Variants in NIBAN2 observed in about 807,000 individuals in gnomAD.
The protein encoded by NIBAN2 is protein Niban 2.
Under a neutral mutation model 81.8 loss-of-function variants are expected in NIBAN2, and 36 were observed. That is an observed-to-expected ratio of 0.44 (90% confidence interval 0.34 to 0.58). The LOEUF is 0.58. NIBAN2 is among the 20% of genes least tolerant of loss of function. The pLI is 0.02. For missense variants in NIBAN2, 897 were observed against 1,014.1 expected, an observed-to-expected ratio of 0.88 and a Z score of 1.57; for synonymous variants, 445 against 441.6, an observed-to-expected ratio of 1.01 and a Z score of -0.10.
At chr9:127,571,764 C>T (rs1837948571), upstream of NIBAN2, among the ~76,000 whole-genome samples, 1 of 151,828 alleles carries the variant, frequency 6.6e-6, no homozygotes, top group African/African-American at 2.4e-5. Flanking sequence ...GCTATGCACA[C>T]ATGTGAATAG....
At chr9:127,520,000 G>T (rs143231143) in intron 5 of NIBAN2, among the ~76,000 whole-genome samples, 1 of 152,222 alleles carries the variant, frequency 6.6e-6, no homozygotes, top group African/African-American at 2.4e-5. Flanking sequence ...GAGAAGGTGA[G>T]GCAGAGGGCC....
At chr9:127,538,812 G>A (rs1363063717) in intron 1 of NIBAN2, among the ~76,000 whole-genome samples, 2 of 151,708 alleles carry the variant, frequency 1.3e-5, no homozygotes, top group Non-Finnish European at 2.9e-5. Context: ...AGGCATGGTG[G>A]TGGGCGCCTG....
At chr9:127,513,263 T>C (rs1034632985) in intron 8 of NIBAN2, among the ~76,000 whole-genome samples, 9 of 151,866 alleles carry the variant, frequency 5.9e-5, no homozygotes, top group South Asian at 2.1e-4. Flanking sequence ...CCCATGGAGA[T>C]AGAGTAGAAA....
intron 1 of NIBAN2, among the ~76,000 whole-genome samples, chr9:127,552,259 A>C (rs1837589856): frequency 6.6e-6 from 1 of 152,158 alleles, no homozygotes; most frequent in African/African-American, 2.4e-5. Context: ...TAAGCTTTCC[A>C]ACACAGCACT....
intron 1 of NIBAN2, among the ~76,000 whole-genome samples, chr9:127,540,461 T>G (rs1837357370): frequency 6.6e-6 from 1 of 152,218 alleles, no homozygotes; most frequent in Admixed American, 6.5e-5. Flanking sequence ...TGCCTTGTCA[T>G]GACGCTCCCC....
At position 127,507,203 on chromosome 9, in the gene NIBAN2, T is replaced by C. The variant is rs1423162727; in HGVS notation, c.1883A>G (p.Asp628Gly). Residue 628 changes from aspartate to glycine, a missense_variant, in exon 14 of 14, where the codon GAT (aspartate) becomes GGT (glycine). Physicochemically the swap from Asp to Gly is moderately conservative, Grantham distance 94. Around this residue, in one of 3 missense-constraint regions of NIBAN2, gnomAD observed 619 missense variants for 691.0 expected, o/e 0.90. Transcript: ENST00000373312. The surrounding 1 kb of genome is among the most constrained non-coding windows in gnomAD (Gnocchi z 6.8). The stretch of plus-strand genomic sequence containing the variant: ...CTCAAAGGGCAGCCCCACCTCCTCA[T>C]CCTGGACCACAGAGACCACCTGCTT... ...RAKQVVSVVQ[D>G]EEVGLPFEAS... 1 of 1,613,052 alleles carries C rather than the reference T, an allele frequency of 6.2e-7. No individual in the cohort carries two copies. Among genetic ancestry groups the C allele is most frequent in the Non-Finnish European group, 8.5e-7 (1 of 1,179,810 alleles).
chr9:127,524,954 C>T, intron 4 of NIBAN2, 104 bp downstream of exon 4: 2 of 834,286 alleles, frequency 2.4e-6, no homozygotes, highest in South Asian at 1.6e-5. Context: ...GTTGGTCTCT[C>T]CGCAAACATG....
intron 5 of NIBAN2, among the ~76,000 whole-genome samples, chr9:127,521,329 T>C (rs1453952859): frequency 6.6e-6 from 1 of 152,102 alleles, no homozygotes; most frequent in Non-Finnish European, 1.5e-5. Flanking sequence ...CCTGGAGACC[T>C]TCCAAGAAAG....
Position 127,517,768 on chromosome 9 carries a change from C to A in NIBAN2, c.705+58G>T. ...ATCTCTGTACCCCACCCCCTGCCCT[C>A]CCCTGCTGGGTCCTTGGGTGACTTC... On this transcript the variant is annotated intron_variant, in intron 6 of 13. Transcript: ENST00000373312. This position sits in a 1 kb window ranked among gnomAD's most constrained non-coding sequence, Gnocchi z 4.0. 5 of 1,316,724 alleles carry A rather than the reference C, an allele frequency of 3.8e-6. No individual in the cohort carries two copies. Among genetic ancestry groups the A allele is most frequent in the African/African-American group, 1.4e-5 (1 of 68,982 alleles). 81.6% of individuals were successfully genotyped at this position (1,316,724 alleles called of 1,614,324 possible).
At position 127,507,937 on chromosome 9, in the gene NIBAN2, G is replaced by T; in HGVS notation, c.1584C>A (p.Ala528=). Residue 528 remains alanine, a synonymous_variant, in exon 13 of 14, where the codon GCC becomes GCA. Coordinates refer to ENST00000373312, the MANE Select transcript of NIBAN2 (RefSeq NM_022833.4). The surrounding 1 kb of genome is among the most constrained non-coding windows in gnomAD (Gnocchi z 6.8). ...ACGTGTTTTCCACCAGGATGAACCT[G>T]GCAAAGTCCTCGAAGATCAGCTCCT... The part of the protein sequence containing the change: ...RFQELIFEDF[A]RFILVENTYE... 6.2e-7 allele frequency: 1 copy of T among 1,614,192 alleles called. No individual in the cohort carries two copies. The highest frequency in any genetic ancestry group is 8.5e-7 in the Non-Finnish European group (1 of 1,180,032).
At chr9:127,535,102 G>A (rs894094153) in intron 1 of NIBAN2, among the ~76,000 whole-genome samples, 1 of 152,208 alleles carries the variant, frequency 6.6e-6, no homozygotes, top group African/African-American at 2.4e-5. Context: ...GGCAGGCTTG[G>A]GCCTGCAGGT....
chr9:127,508,273 G>A lies in NIBAN2; in HGVS notation c.1435-73C>T, dbSNP rs1484707774. On this transcript the variant is annotated intron_variant, in intron 11 of 13. Transcript: ENST00000373312. This position sits in a 1 kb window ranked among gnomAD's most constrained non-coding sequence, Gnocchi z 6.4. ...TGGCCCTGAGGGTAGGACGAGGCCAGTGGTCTGACCCAAGCCTCCGAGTCC... is the reference window on the plus strand; with the variant it reads ...TGGCCCTGAGGGTAGGACGAGGCCAATGGTCTGACCCAAGCCTCCGAGTCC... The A allele has an allele frequency of 7.1e-7, 1 of 1,402,706 alleles. No homozygotes were observed. The highest frequency in any genetic ancestry group is 1.0e-6 in the Non-Finnish European group (1 of 998,392). 86.9% of individuals were successfully genotyped at this position (1,402,706 alleles called of 1,614,324 possible).
intron 2 of NIBAN2, among the ~76,000 whole-genome samples, chr9:127,527,650 C>T (rs1474993273): frequency 2.6e-5 from 4 of 152,198 alleles, no homozygotes; most frequent in Non-Finnish European, 5.9e-5. Flanking sequence ...TGGGCTGTCA[C>T]CGCTACCTTG....
At chr9:127,569,079 C>G, upstream of NIBAN2, 2 of 1,058,258 alleles carry the variant, frequency 1.9e-6, no homozygotes, top group Non-Finnish European at 2.3e-6. Flanking sequence ...GCCTTGGCCC[C>G]CTCCCTGCCC....
At chr9:127,509,797 TCC>T (rs1836695216) in intron 9 of NIBAN2, 1 of 65,030 alleles carries the variant, frequency 1.5e-5, no homozygotes, top group Non-Finnish European at 3.3e-5. Flanking sequence ...CCTCCTTCCC[TCC>T]TCTCCTTCCC....
chr9:127,531,335 T>C (rs1450326633), intron 2 of NIBAN2, among the ~76,000 whole-genome samples: 1 of 151,396 alleles, frequency 6.6e-6, no homozygotes, highest in East Asian at 2.0e-4. Context: ...ATACAAAAAC[T>C]TAGCCGGGCA....
At chr9:127,521,808 C>A (rs982502175) in intron 5 of NIBAN2, among the ~76,000 whole-genome samples, 21 of 152,192 alleles carry the variant, frequency 1.4e-4, no homozygotes, top group African/African-American at 4.8e-4. Flanking sequence ...ACCTTAGAAC[C>A]AAGAACTCCC....
At chr9:127,521,785 TCTGGTCC>T (rs1208088926) in intron 5 of NIBAN2, among the ~76,000 whole-genome samples, 1 of 152,134 alleles carries the variant, frequency 6.6e-6, no homozygotes, top group Non-Finnish European at 1.5e-5. Flanking sequence ...TGGGCCTCCC[TCTGGTCC>T]ACTGCACCTT....
In NIBAN2 at chr9:127,508,090, C is replaced by T. The variant is rs1251488186; in HGVS notation, c.1542+3G>A. On this transcript the variant is annotated splice_donor_region_variant and intron_variant, in intron 12 of 13. Transcript: ENST00000373312. The surrounding 1 kb of genome is among the most constrained non-coding windows in gnomAD (Gnocchi z 6.4). ...ACGGCTGGAGCAGGTGGGGGCTGCT[C>T]ACCGACTTGCAGGTAGGGGCCAGCT... The T allele has an allele frequency of 6.2e-6, 10 of 1,613,510 alleles. No homozygotes were observed. Among genetic ancestry groups the T allele is most frequent in the Non-Finnish European group, 8.5e-6 (10 of 1,179,808 alleles).
Sources: allele counts gnomAD v4.1 joint callset (sites outside exome capture counted in the v4.1 genomes callset), GRCh38; gene constraint gnomAD v4.1.1; regional missense constraint gnomAD v4.1.1; non-coding constraint Gnocchi (gnomAD v3.1); transcripts MANE v1.5; gene names NCBI Gene and HGNC (gene_info 2026-07-23, HGNC 2026-07-21).